DIP2B: variants seen among roughly 807,000 people sequenced by gnomAD.
DIP2B encodes DIP2 acetate--CoA ligase B (putative).
DIP2B carries 76 observed loss-of-function variants against 198.0 expected under a neutral mutation model. That is an observed-to-expected ratio of 0.38 (90% CI 0.32 to 0.46). The LOEUF is 0.46. DIP2B is among the 20% of genes least tolerant of loss of function. The pLI, the probability that DIP2B is intolerant of heterozygous loss-of-function variation, is 0.99. For synonymous variants in DIP2B, 701 were observed against 739.1 expected (o/e 0.95, Z 0.84); for missense variants, 1,559 against 1,978.4 (o/e 0.79, Z 4.02).
intron 14 of DIP2B, among the ~76,000 whole-genome samples, chr12:50,694,711 A>T (rs568254984): frequency 1.4e-5 from 2 of 145,716 alleles, no homozygotes; most frequent in Non-Finnish European, 3.0e-5. Flanking sequence ...ACATGTCCAT[A>T]TAGGGAAATA....
intron 4 of DIP2B, among the ~76,000 whole-genome samples, chr12:50,664,830 GTTTTTGTTTTTTTTTTTTT>G (rs869066171): frequency 0.76 from 75,775 of 99,446 alleles, 32,136 homozygotes; most frequent in Middle Eastern, 0.85. Flanking sequence ...TCCTTTTTTG[GTTTTTGTTTTTTTTTTTTT>G]TTTTTTTTTT....
At chr12:50,713,596 G>A (rs958444030) in intron 22 of DIP2B, among the ~76,000 whole-genome samples, 2 of 152,202 alleles carry the variant, frequency 1.3e-5, no homozygotes, top group Non-Finnish European at 2.9e-5. Context: ...CCTCACCCCA[G>A]ATGTTTTTCA....
intron 1 of DIP2B, among the ~76,000 whole-genome samples, chr12:50,586,074 G>T (rs911234576): frequency 1.2e-4 from 19 of 152,174 alleles, no homozygotes; most frequent in African/African-American, 4.3e-4. Flanking sequence ...CATTTACTTT[G>T]TCTCAGGGCA....
At chr12:50,739,782 G>T (rs1940207805) in intron 36 of DIP2B, among the ~76,000 whole-genome samples, 196 bp downstream of exon 36, 1 of 152,224 alleles carries the variant, frequency 6.6e-6, no homozygotes, top group Non-Finnish European at 1.5e-5. Flanking sequence ...TGAGCGCTTG[G>T]GGCAAGCCCA....
chr12:50,686,606 C>T lies in DIP2B; in HGVS notation c.1475C>T (p.Ser492Phe). 6.2e-7 allele frequency: 1 copy of T among 1,614,056 alleles called. No individual in the cohort carries two copies. Among genetic ancestry groups the T allele is most frequent in the Non-Finnish European group, 8.5e-7 (1 of 1,180,006 alleles). ...CGGCTCAAATGGGTTGTAACAGATT[C>T]CAAGTACCTTTCAAAGCCACCGAAA... The part of the protein sequence containing the change: ...WPRLKWVVTD[S>F]KYLSKPPKDW... The change falls in exon 12 of 38, where the codon TCC becomes TTC. Residue 492 changes from serine (S) to phenylalanine (F), a missense_variant. Coordinates refer to ENST00000301180, the MANE Select transcript of DIP2B (RefSeq NM_173602.3).
chr12:50,686,057 T>G, intron 11 of DIP2B, 101 bp downstream of exon 11: 1 of 1,183,358 alleles, frequency 8.5e-7, no homozygotes, highest in Non-Finnish European at 1.2e-6. Context: ...ATATATGTTC[T>G]ATTTAATTCT....
At chr12:50,598,118 A>G (rs1257196319) in intron 1 of DIP2B, among the ~76,000 whole-genome samples, 1 of 152,138 alleles carries the variant, frequency 6.6e-6, no homozygotes, top group Non-Finnish European at 1.5e-5. Context: ...AGTCATTTGC[A>G]CCTACCCCAC....
intron 1 of DIP2B, among the ~76,000 whole-genome samples, chr12:50,512,225 G>A (rs1194139480): frequency 7.3e-5 from 11 of 149,948 alleles, no homozygotes; most frequent in African/African-American, 2.7e-4. Flanking sequence ...TCCTGCTTCA[G>A]CCTACTGAGT....
At position 50,699,086 on chromosome 12, in the gene DIP2B, C is replaced by T; in HGVS notation, c.2209C>T (p.Pro737Ser). The T allele has an allele frequency of 6.2e-7, 1 of 1,614,104 alleles. No individual in the cohort carries two copies. Among genetic ancestry groups the T allele is most frequent in the Non-Finnish European group, 8.5e-7 (1 of 1,180,014 alleles). The change falls in exon 19 of 38, where the codon CCA becomes TCA. Residue 737 changes from proline to serine, a missense_variant. By Grantham distance (74) the Pro-to-Ser change is moderately conservative. Transcript: ENST00000301180. The stretch of plus-strand genomic sequence containing the variant: ...GTTAGGGATGATGTGCATTGTGAAA[C>T]CAGATGGACCTCCCCAGCTCTGCAA... ...MPGGMMCIVK[P>S]DGPPQLCKTD...
rs957721328 is a variant in DIP2B, at chr12:50,549,295, C to T, written c.100+44055C>T. ...CATCCTGGCCAATATGGTGAAACCC[C>T]GTCTCTACTAAAAATACAAAAATTA... On this transcript the variant is annotated intron_variant, in intron 1 of 37. Transcript: ENST00000301180. 3.3e-5 allele frequency among the ~76,000 whole-genome samples: 5 copies of T among 151,946 alleles called. No homozygotes were observed. The South Asian group carries it at 8.3e-4, about 25-fold the overall frequency.
chr12:50,735,988 A>G (rs1940132352), intron 34 of DIP2B, among the ~76,000 whole-genome samples: 2 of 152,224 alleles, frequency 1.3e-5, no homozygotes, highest in South Asian at 4.1e-4. Context: ...GCAATTTACT[A>G]AGGATGATAG....
At chr12:50,559,313 C>CTTTTTTTTTTTTTTTTTT (rs11301460) in intron 1 of DIP2B, among the ~76,000 whole-genome samples, 2 of 123,040 alleles carry the variant, frequency 1.6e-5, no homozygotes. Context: ...AATTATTTGT[C>CTTTTTTTTTTTTTTTTTT]TTTTTTTTTT....
At chr12:50,692,821 AG>A in intron 13 of DIP2B, 127 bp from the exon 14 acceptor site, 4 of 743,830 alleles carry the variant, frequency 5.4e-6, no homozygotes, top group Non-Finnish European at 8.9e-6. Flanking sequence ...TGGGTGACAG[AG>A]GTGAGACTCC....
At chr12:50,698,597 C>G in intron 18 of DIP2B, 130 bp downstream of exon 18, 1 of 1,125,040 alleles carries the variant, frequency 8.9e-7, no homozygotes, top group Non-Finnish European at 1.2e-6. Flanking sequence ...TTTCTCAGAG[C>G]CTCTCTAATA....
intron 1 of DIP2B, among the ~76,000 whole-genome samples, chr12:50,567,450 A>G (rs1002815947): frequency 1.3e-5 from 2 of 152,136 alleles, no homozygotes; most frequent in East Asian, 1.9e-4. Context: ...CATAGTTTCT[A>G]TTTCTCTGCT....
chr12:50,608,665 A>G (rs1270252285), intron 1 of DIP2B, among the ~76,000 whole-genome samples: 1 of 151,958 alleles, frequency 6.6e-6, no homozygotes, highest in Non-Finnish European at 1.5e-5. Context: ...GAAAACAAAT[A>G]GTAACACTAG....
At chr12:50,512,878 G>C (rs2139341533) in intron 1 of DIP2B, among the ~76,000 whole-genome samples, 1 of 152,280 alleles carries the variant, frequency 6.6e-6, no homozygotes, top group South Asian at 2.1e-4. Context: ...GTGGCGGCAT[G>C]CACCTGTAGT....
At chr12:50,559,610 A>G (rs1456407891) in intron 1 of DIP2B, among the ~76,000 whole-genome samples, 3 of 151,666 alleles carry the variant, frequency 2.0e-5, no homozygotes, top group Admixed American at 2.0e-4. Context: ...GTGCATCCCT[A>G]TAGTTCCAGC....
chr12:50,619,128 GT>G (rs1309764374), intron 1 of DIP2B, among the ~76,000 whole-genome samples: 1 of 152,112 alleles, frequency 6.6e-6, no homozygotes, highest in African/African-American at 2.4e-5. Flanking sequence ...GGGGCAGAAA[GT>G]TTATGGCTGC....
Sources: gnomAD v4.1 joint callset for allele counts (sites outside exome capture counted in the v4.1 genomes callset) on GRCh38, gnomAD v4.1.1 for gene constraint, MANE v1.5 for transcripts, NCBI Gene and HGNC (gene_info 2026-07-23, HGNC 2026-07-21) for gene names.